Variants in ZHX2 observed in about 807,000 individuals in gnomAD.
ZHX2 encodes zinc fingers and homeoboxes protein 2.
Under a neutral mutation model 21.9 loss-of-function variants are expected in ZHX2, and 6 were observed. The ratio of observed to expected loss-of-function variants is 0.27; its 90% CI spans 0.15 to 0.54. The LOEUF (loss-of-function observed/expected upper bound fraction) is 0.54. Ranked by LOEUF, ZHX2 falls within the 20% of genes least tolerant of loss-of-function variation. ZHX2 has a pLI of 0.95. For missense variants in ZHX2, 908 were observed against 1,090.7 expected (o/e 0.83, Z 2.36); for synonymous variants, 434 against 437.1 (o/e 0.99, Z 0.09).
intron 2 of ZHX2, among the ~76,000 whole-genome samples, chr8:122,894,307 T>A (rs758383609): frequency 6.6e-6 from 1 of 152,222 alleles, no homozygotes; most frequent in African/African-American, 2.4e-5. Context: ...TCCCAAGGGC[T>A]TCTGGCCAGG....
chr8:122,819,930 C>G (rs2130633656), intron 1 of ZHX2, among the ~76,000 whole-genome samples: 1 of 152,314 alleles, frequency 6.6e-6, no homozygotes, highest in East Asian at 1.9e-4. Context: ...CTCGCCTTGG[C>G]TGGGCTGCCC....
intron 2 of ZHX2, among the ~76,000 whole-genome samples, chr8:122,917,971 C>T (rs548431816): frequency 1.3e-5 from 2 of 152,262 alleles, no homozygotes; most frequent in East Asian, 1.9e-4. Flanking sequence ...TTTCTGGATC[C>T]TCTTGATAGA....
At chr8:122,871,020 C>T (rs1474865343) in intron 2 of ZHX2, among the ~76,000 whole-genome samples, 1 of 152,088 alleles carries the variant, frequency 6.6e-6, no homozygotes, top group Non-Finnish European at 1.5e-5. Context: ...TTTGATGAAC[C>T]GGTGGAGCGG....
Position 122,951,543 on chromosome 8 carries a change from C to T in ZHX2, c.33C>T (p.Cys11=). The change falls in exon 3 of 4, where the codon TGC becomes TGT. Residue 11 remains cysteine (C), a synonymous_variant. Transcript: ENST00000314393. ...GCAAACGAAAATCTACAACTCCATGCATGGTTCGGACATCACAAGTAGTAG... is the reference window on the plus strand; with the variant it reads ...GCAAACGAAAATCTACAACTCCATGTATGGTTCGGACATCACAAGTAGTAG... The part of the protein sequence containing the change: MASKRKSTTP[C]MVRTSQVVEQ... 1 of 1,613,384 alleles carries T rather than the reference C, an allele frequency of 6.2e-7. No homozygotes were observed. Among genetic ancestry groups the T allele is most frequent in the African/African-American group, 1.3e-5 (1 of 74,932 alleles).
At chr8:122,801,630 G>T (rs1269762390) in intron 1 of ZHX2, among the ~76,000 whole-genome samples, 2 of 151,820 alleles carry the variant, frequency 1.3e-5, no homozygotes, top group African/African-American at 2.4e-5. Context: ...ACACACATAT[G>T]GTCCCAGCTA....
intron 1 of ZHX2, among the ~76,000 whole-genome samples, chr8:122,851,655 G>A (rs1001966308): frequency 9.2e-5 from 14 of 152,206 alleles, no homozygotes; most frequent in African/African-American, 3.1e-4. Context: ...CCTGGATGAG[G>A]GCATTATTCT....
intron 1 of ZHX2, among the ~76,000 whole-genome samples, chr8:122,806,514 C>G (rs959027902): frequency 6.6e-6 from 1 of 152,148 alleles, no homozygotes; most frequent in Admixed American, 6.5e-5. Context: ...AGGGTCGTAG[C>G]AAAGAGATGG....
intron 3 of ZHX2, among the ~76,000 whole-genome samples, chr8:122,972,651 T>C (rs1813754774): frequency 6.6e-6 from 1 of 152,156 alleles, no homozygotes; most frequent in Non-Finnish European, 1.5e-5. Flanking sequence ...CTCCATCTAA[T>C]AAAAACAGCA....
chr8:122,909,908 G>C (rs2129997912), intron 2 of ZHX2, among the ~76,000 whole-genome samples: 1 of 152,250 alleles, frequency 6.6e-6, no homozygotes, highest in Admixed American at 6.5e-5. Flanking sequence ...GGCTGCCCCA[G>C]GAGCCCAGGT....
At chr8:122,863,850 T>C (rs1327466966) in intron 2 of ZHX2, among the ~76,000 whole-genome samples, 5 of 151,918 alleles carry the variant, frequency 3.3e-5, no homozygotes, top group Admixed American at 2.0e-4. Flanking sequence ...CCAGTAAACC[T>C]CTAGCCAGGG....
intron 1 of ZHX2, among the ~76,000 whole-genome samples, chr8:122,815,050 A>T (rs1349302583): frequency 6.6e-6 from 1 of 152,232 alleles, no homozygotes; most frequent in Non-Finnish European, 1.5e-5. Flanking sequence ...GAAAATATAG[A>T]TGATGAGCAT....
chr8:122,924,597 TCCACAGGTCATAA>T (rs1820809618), intron 2 of ZHX2, among the ~76,000 whole-genome samples: 1 of 152,164 alleles, frequency 6.6e-6, no homozygotes, highest in African/African-American at 2.4e-5. Flanking sequence ...TCTCTTGATC[TCCACAGGTCATAA>T]CCCAGGCCTG....
intron 1 of ZHX2, chr8:122,810,365 G>A (rs1489588678): frequency 2.0e-5 from 3 of 152,350 alleles, no homozygotes; most frequent in South Asian, 2.1e-4. Context: ...CTGAGATCTT[G>A]TACACATTCA....
chr8:122,909,033 C>T (rs1380677599), intron 2 of ZHX2, among the ~76,000 whole-genome samples: 1 of 152,210 alleles, frequency 6.6e-6, no homozygotes, highest in Non-Finnish European at 1.5e-5. Flanking sequence ...TTCCAGAAAT[C>T]TGTGGTGAGG....
At chr8:122,914,562 C>A (rs1326845148) in intron 2 of ZHX2, among the ~76,000 whole-genome samples, 4 of 152,192 alleles carry the variant, frequency 2.6e-5, no homozygotes, top group Non-Finnish European at 4.4e-5. Context: ...AAGACCTGCC[C>A]CTTCAGGCCC....
chr8:122,857,042 C>T (rs1225652392), intron 1 of ZHX2, among the ~76,000 whole-genome samples: 1 of 152,146 alleles, frequency 6.6e-6, no homozygotes, highest in African/African-American at 2.4e-5. Context: ...CGCCACAGCC[C>T]ACACATGCCC....
intron 2 of ZHX2, among the ~76,000 whole-genome samples, chr8:122,865,685 A>G (rs550463621): frequency 1.2e-3 from 189 of 152,346 alleles, no homozygotes; most frequent in Non-Finnish European, 2.4e-3. Flanking sequence ...TGATAGTTCA[A>G]TTTAATGAGT....
At chr8:122,957,296 C>CAA (rs34314877) in intron 3 of ZHX2, among the ~76,000 whole-genome samples, 16,527 of 110,132 alleles carry the variant, frequency 0.15, 1,258 homozygotes, top group South Asian at 0.19. Context: ...GCTGTGTTCA[C>CAA]AAAAAAAAAA....
intron 2 of ZHX2, among the ~76,000 whole-genome samples, chr8:122,887,189 T>A (rs1287543299): frequency 6.6e-6 from 1 of 150,952 alleles, no homozygotes; most frequent in Non-Finnish European, 1.5e-5. Flanking sequence ...CAGATGGAGA[T>A]GGAGTGGTGA....
Sources: gnomAD v4.1 joint callset for allele counts (sites outside exome capture counted in the v4.1 genomes callset) on GRCh38, gnomAD v4.1.1 for gene constraint, MANE v1.5 for transcripts, NCBI Gene and HGNC (gene_info 2026-07-23, HGNC 2026-07-21) for gene names.